RPS14: variants seen among roughly 807,000 people sequenced by gnomAD.
The protein encoded by RPS14 is small ribosomal subunit protein uS11.
A neutral mutation model predicts 15.4 loss-of-function variants in RPS14; 1 was observed. The ratio of observed to expected loss-of-function variants is 0.07; its 90% CI spans 0.02 to 0.31. The LOEUF (loss-of-function observed/expected upper bound fraction) is 0.31, where lower values mean the gene tolerates loss of function less well. Ranked by LOEUF, RPS14 falls within the 10% of genes least tolerant of loss-of-function variation. The pLI, the probability that RPS14 is intolerant of heterozygous loss-of-function variation, is 1.00. For synonymous variants in RPS14, 68 were observed against 74.4 expected (o/e 0.91, Z 0.44); for missense variants, 69 against 205.5 (o/e 0.34, Z 4.06).
At chr5:150,449,076 G>A (rs571991509) in intron 1 of RPS14, 1 of 152,296 alleles carries the variant, frequency 6.6e-6, no homozygotes, top group Non-Finnish European at 1.5e-5. Flanking sequence ...ATCCCCTAAA[G>A]TAACGAGCAG....
At chr5:150,447,425 T>C (rs930145700) in intron 2 of RPS14, 160 bp downstream of exon 2, 2 of 735,686 alleles carry the variant, frequency 2.7e-6, no homozygotes, top group East Asian at 5.0e-5. Flanking sequence ...TTGTAACCCC[T>C]GGGAAATCAC....
At chr5:150,448,610 G>T (rs774906705) in intron 1 of RPS14, 1 of 152,232 alleles carries the variant, frequency 6.6e-6, no homozygotes, top group African/African-American at 2.4e-5. Flanking sequence ...ATATCCTGCA[G>T]ATGGTGAAGA....
rs1771020805 is a variant in RPS14, at chr5:150,444,214, G to A, written c.*72C>T. The A allele has an allele frequency of 6.5e-7, 1 of 1,542,276 alleles. No individual in the cohort carries two copies. Among genetic ancestry groups the A allele is most frequent in the Non-Finnish European group, 8.8e-7 (1 of 1,140,566 alleles). On this transcript the variant is annotated 3_prime_UTR_variant, in exon 5 of 5. Transcript: ENST00000407193. The stretch of plus-strand genomic sequence containing the variant: ...AATGCCTGAGTAGCCCCTGATGAAG[G>A]AGAGAAGGCTGGAGTTGAAACAGTT...
rs376361782 is a variant in RPS14, at chr5:150,444,224, T to C, written c.*62A>G. On this transcript the variant is annotated 3_prime_UTR_variant, in exon 5 of 5. Transcript: ENST00000407193. Reference sequence around the variant, plus strand: ...TAGCCCCTGATGAAGGAGAGAAGGCTGGAGTTGAAACAGTTTACATGAAGG... The same window carrying C: ...TAGCCCCTGATGAAGGAGAGAAGGCCGGAGTTGAAACAGTTTACATGAAGG... 2.8e-4 allele frequency: 431 copies of C among 1,555,080 alleles called. No homozygotes were observed. Among genetic ancestry groups the C allele is most frequent in the Middle Eastern group, 3.8e-4 (2 of 5,206 alleles).
intron 4 of RPS14, 108 bp from the exon 5 acceptor site, chr5:150,444,461 C>A: frequency 1.2e-6 from 1 of 845,808 alleles, no homozygotes; most frequent in South Asian, 1.5e-5. Context: ...TGCTGCTCCC[C>A]AAATGACTCC....
chr5:150,444,795 G>T (rs142028862), intron 4 of RPS14, among the ~76,000 whole-genome samples: 1 of 151,994 alleles, frequency 6.6e-6, no homozygotes, highest in East Asian at 1.9e-4. Flanking sequence ...GGAGACTGAG[G>T]CTGGTGGAAC....
Position 150,444,621 on chromosome 5 carries a change from A to T in RPS14, c.389-268T>A, listed in dbSNP as rs1286834527. On this transcript the variant is annotated intron_variant, in intron 4 of 4. Coordinates refer to ENST00000407193, the MANE Select transcript of RPS14 (RefSeq NM_005617.4). ...AGGCACAGGACAAATCCAGGTTCTG[A>T]CATCTAGCCCACCGTCTTCTCTAGA... 1.2e-5 allele frequency: 8 copies of T among 646,748 alleles called. No homozygotes were observed. In the Admixed American group the frequency reaches 1.7e-4, roughly 13 times the overall value. The allele number at this position is 646,748 out of a possible 1,614,324, so 40.1% of individuals were successfully genotyped here.
At position 150,446,763 on chromosome 5, in the gene RPS14, G is replaced by T. The variant is rs751384207; in HGVS notation, c.311+39C>A. 9 of 1,599,678 alleles carry T rather than the reference G, an allele frequency of 5.6e-6. No homozygotes were observed. The South Asian group carries it at 1.0e-4, about 18-fold the overall frequency. ...GGTGCTCCAGCACCCAAGCCCAGCA[G>T]GTTTTCTACCACCCAGCCATCCCCT... On this transcript the variant is annotated intron_variant, in intron 3 of 4. Coordinates refer to ENST00000407193, the MANE Select transcript of RPS14 (RefSeq NM_005617.4). This position sits in a 1 kb window ranked among gnomAD's most constrained non-coding sequence, Gnocchi z 4.2.
rs774833712 is a variant in RPS14 at position 150,445,699 on chromosome 5, G to T, written c.312-14C>A. 3 of 1,601,648 alleles carry T rather than the reference G, an allele frequency of 1.9e-6. No individual in the cohort carries two copies. In the Admixed American group the frequency reaches 5.3e-5, roughly 28 times the overall value. On this transcript the variant is annotated splice_polypyrimidine_tract_variant and intron_variant, in intron 3 of 4. Coordinates refer to ENST00000407193, the MANE Select transcript of RPS14 (RefSeq NM_005617.4). Reference sequence around the variant, plus strand: ...GGGGTCTTGGTCCTAGAAAATGAAGGTTTAAGTTAAGAAGAGCCTTTGGCC... The same window carrying T: ...GGGGTCTTGGTCCTAGAAAATGAAGTTTTAAGTTAAGAAGAGCCTTTGGCC...
rs370518504 is a variant in RPS14, at chr5:150,445,637, G to A, written c.360C>T (p.Ala120=). The change falls in exon 4 of 5, where the codon GCC becomes GCT. Residue 120 remains alanine (A), a synonymous_variant. Transcript: ENST00000407193. ...PGAQSALRAL[A]RSGMKIGRIE... ...TCCGCCCGATCTTCATACCCGAGCG[G>A]GCAAGGGCTCTGAGGGCCGACTGGG... is the stretch of plus-strand genomic sequence containing the variant. The A allele has an allele frequency of 1.1e-5, 17 of 1,612,738 alleles. No individual in the cohort carries two copies. The highest frequency in any genetic ancestry group is 1.4e-5 in the Non-Finnish European group (16 of 1,179,748).
chr5:150,443,972 TG>T lies in RPS14; in HGVS notation c.*313del. 5.1e-6 allele frequency: 1 copy of T among 195,876 alleles called. No homozygotes were observed. The highest frequency in any genetic ancestry group is 1.1e-5 in the Non-Finnish European group (1 of 95,140). 12.1% of individuals were successfully genotyped at this position (195,876 alleles called of 1,614,324 possible). ...CTCCTCTTTCGCTTCAGGCTACACT[TG>T]GATCAACAGTTCCCACTCTGGCTCT... On this transcript the variant is annotated 3_prime_UTR_variant, in exon 5 of 5. Transcript: ENST00000407193.
Position 150,443,530 on chromosome 5 carries a change from GA to G in RPS14, c.*755del, listed in dbSNP as rs1771000874. ...TTGCTGGTTTCTTTCCTCTACAACT[GA>G]CTACCTCAATGGTCTCACCTCTCCA... On this transcript the variant is annotated 3_prime_UTR_variant, in exon 5 of 5. Coordinates refer to ENST00000407193, the MANE Select transcript of RPS14 (RefSeq NM_005617.4). 6.6e-6 allele frequency: 1 copy of G among 152,166 alleles called. No individual in the cohort carries two copies. Among genetic ancestry groups the G allele is most frequent in the Non-Finnish European group, 1.5e-5 (1 of 68,076 alleles). 9.4% of individuals were successfully genotyped at this position (152,166 alleles called of 1,614,324 possible).
chr5:150,444,233 AAC>A lies in RPS14; in HGVS notation c.*51_*52del. On this transcript the variant is annotated 3_prime_UTR_variant, in exon 5 of 5. Transcript: ENST00000407193. ...ATGAAGGAGAGAAGGCTGGAGTTGAAACAGTTTACATGAAGGCAATTTATTAA... is the reference window on the plus strand; with the variant it reads ...ATGAAGGAGAGAAGGCTGGAGTTGAAAGTTTACATGAAGGCAATTTATTAA... The A allele has an allele frequency of 1.3e-6, 2 of 1,570,760 alleles. No homozygotes were observed. The highest frequency in any genetic ancestry group is 1.7e-6 in the Non-Finnish European group (2 of 1,154,850).
chr5:150,444,269 A>C lies in RPS14; in HGVS notation c.*17T>G. The C allele has an allele frequency of 6.2e-7, 1 of 1,603,920 alleles. No homozygotes were observed. Among genetic ancestry groups the C allele is most frequent in the Non-Finnish European group, 8.5e-7 (1 of 1,174,234 alleles). ...TGAAGGCAATTTATTAACAGAAAAT[A>C]TTTTGAGGAATCTTGTTCACAGACG... On this transcript the variant is annotated 3_prime_UTR_variant, in exon 5 of 5. Transcript: ENST00000407193.
At position 150,446,996 on chromosome 5, in the gene RPS14, C is replaced by T. The variant is rs201763690; in HGVS notation, c.150-33G>A. 2.1e-5 allele frequency: 34 copies of T among 1,611,470 alleles called. No individual in the cohort carries two copies. In the Admixed American group the frequency reaches 3.5e-4, roughly 17 times the overall value. On this transcript the variant is annotated intron_variant, in intron 2 of 4. Transcript: ENST00000407193. This position sits in a 1 kb window ranked among gnomAD's most constrained non-coding sequence, Gnocchi z 4.2. Reference sequence around the variant, plus strand: ...CAAAAGCACAGGGTCATTTCTTCCTCGTCCAACAAGGAGTGCTTACGATAT... The same window carrying T: ...CAAAAGCACAGGGTCATTTCTTCCTTGTCCAACAAGGAGTGCTTACGATAT...
In RPS14 at chr5:150,444,267, A is replaced by G. The variant is rs765964856; in HGVS notation, c.*19T>C. ...CATGAAGGCAATTTATTAACAGAAA[A>G]TATTTTGAGGAATCTTGTTCACAGA... On this transcript the variant is annotated 3_prime_UTR_variant, in exon 5 of 5. Transcript: ENST00000407193. 4 of 1,602,672 alleles carry G rather than the reference A, an allele frequency of 2.5e-6. No individual in the cohort carries two copies. Among genetic ancestry groups the G allele is most frequent in the Non-Finnish European group, 3.4e-6 (4 of 1,173,360 alleles).
Position 150,446,668 on chromosome 5 carries a change from A to G in RPS14, c.311+134T>C, listed in dbSNP as rs1368175778. The G allele has an allele frequency of 1.1e-6, 1 of 915,122 alleles. No individual in the cohort carries two copies. 56.7% of individuals were successfully genotyped at this position (915,122 alleles called of 1,614,324 possible). On this transcript the variant is annotated intron_variant, in intron 3 of 4. Coordinates refer to ENST00000407193, the MANE Select transcript of RPS14 (RefSeq NM_005617.4). This position sits in a 1 kb window ranked among gnomAD's most constrained non-coding sequence, Gnocchi z 4.2. ...TGCTGGGGGGTGTACACAGGAGCCA[A>G]TTATTAAGTATGTATATGCCTAAAA...
chr5:150,445,779 C>G, intron 3 of RPS14, 94 bp from the exon 4 acceptor site: 1 of 966,214 alleles, frequency 1.0e-6, no homozygotes, highest in Admixed American at 2.5e-5. Context: ...GTTCAGAGGT[C>G]TGCAAACTTT....
rs1770971177 is a variant in RPS14 at position 150,442,704 on chromosome 5, CTTA to C, written c.*1579_*1581del. Reference sequence around the variant, plus strand: ...TTCATATTTTTTAATTTATTATTTACTTATTTAGTTTTTGAGATAGGATCTTGC... The same window carrying C: ...TTCATATTTTTTAATTTATTATTTACTTTAGTTTTTGAGATAGGATCTTGC... On this transcript the variant is annotated 3_prime_UTR_variant, in exon 5 of 5. Coordinates refer to ENST00000407193, the MANE Select transcript of RPS14 (RefSeq NM_005617.4). 1 of 151,786 alleles carries C rather than the reference CTTA, an allele frequency of 6.6e-6. No homozygotes were observed. The highest frequency in any genetic ancestry group is 2.4e-5 in the African/African-American group (1 of 41,190). 9.4% of individuals were successfully genotyped at this position (151,786 alleles called of 1,614,324 possible). A position where few individuals can be genotyped will look rare whatever the true frequency, so the allele number is the denominator to read the frequency against.
Sources: allele counts gnomAD v4.1 joint callset (sites outside exome capture counted in the v4.1 genomes callset), GRCh38; gene constraint gnomAD v4.1.1; non-coding constraint Gnocchi (gnomAD v3.1); transcripts MANE v1.5; gene names NCBI Gene and HGNC (gene_info 2026-07-23, HGNC 2026-07-21).